The following MYO3B variants were observed in gnomAD, a reference collection of about 807,000 sequenced individuals.
The protein encoded by MYO3B is myosin IIIB.
Under a neutral mutation model 174.6 loss-of-function variants are expected in MYO3B, and 156 were observed. The ratio of observed to expected loss-of-function variants is 0.89; its 90% CI spans 0.78 to 1.02. The LOEUF (loss-of-function observed/expected upper bound fraction) is 1.02, where lower values mean the gene tolerates loss of function less well. Among genes scored for constraint, MYO3B ranks in the 50% least tolerant of loss-of-function variants. The probability of loss-of-function intolerance (pLI) is 0.00; values close to 1 mark genes in which losing one functional copy is unlikely to be tolerated. For missense variants in MYO3B, 1,632 were observed against 1,639.4 expected (o/e 1.00, Z 0.08); for synonymous variants, 563 against 569.1 (o/e 0.99, Z 0.15).
At chr2:170,392,583 C>T (rs2013102) in intron 16 of MYO3B, 88 bp downstream of exon 16, 246,170 of 835,296 alleles carry the variant, frequency 0.29, 36,513 homozygotes, top group Non-Finnish European at 0.31. Context: ...TGGGATAAGA[C>T]ACTTGCTTTC....
At chr2:170,544,059 T>G in intron 32 of MYO3B, 71 bp downstream of exon 32, 2 of 1,264,228 alleles carry the variant, frequency 1.6e-6, no homozygotes, top group Non-Finnish European at 2.3e-6. Context: ...AGTGTGTTGT[T>G]TGGGCAGGAC....
In MYO3B at chr2:170,383,732, T is replaced by A; in HGVS notation, c.1208T>A (p.Val403Glu). ...SPQFSRLYHG[V>E]KRASNPPHIF... ...CAGTTTTCCAGACTTTATCATGGGG[T>A]GAAACGCGCCTCCAATCCCCCCCAC... is the stretch of plus-strand genomic sequence containing the variant. Residue 403 changes from valine (V) to glutamate (E), a missense_variant, in exon 12 of 35, where the codon GTG becomes GAG. Transcript: ENST00000408978. 1 of 1,613,590 alleles carries A rather than the reference T, an allele frequency of 6.2e-7. No homozygotes were observed.
In MYO3B at chr2:170,653,190, G is replaced by A. The variant is rs13382220; in HGVS notation, c.*69G>A. 0.13 allele frequency: 199,249 copies of A among 1,584,884 alleles called. 18,178 individuals carry two copies. The highest frequency in any genetic ancestry group is 0.47 in the African/African-American group (35,056 of 74,226). ...ATGGTAATCGACTGTCTGTCATTGCGTAAGAAAGCACTGATATGGGGTCAG... is the reference window on the plus strand; with the variant it reads ...ATGGTAATCGACTGTCTGTCATTGCATAAGAAAGCACTGATATGGGGTCAG... On this transcript the variant is annotated 3_prime_UTR_variant, in exon 35 of 35. Transcript: ENST00000408978.
chr2:170,613,846 T>TC (rs1334685151), intron 32 of MYO3B, among the ~76,000 whole-genome samples: 5 of 152,174 alleles, frequency 3.3e-5, no homozygotes, highest in Non-Finnish European at 7.3e-5. Context: ...AACGTGGGAC[T>TC]CCAAGTTCCT....
At chr2:170,277,996 A>G (rs1208746459) in intron 7 of MYO3B, among the ~76,000 whole-genome samples, 2 of 152,206 alleles carry the variant, frequency 1.3e-5, no homozygotes, top group Non-Finnish European at 2.9e-5. Context: ...AGATAGAGAC[A>G]TTTTCAATGC....
Position 170,199,239 on chromosome 2 carries a change from C to T in MYO3B, c.34C>T (p.Pro12Ser), listed in dbSNP as rs773011706. 3 of 1,613,152 alleles carry T rather than the reference C, an allele frequency of 1.9e-6. No individual in the cohort carries two copies. Among genetic ancestry groups the T allele is most frequent in the African/African-American group, 1.3e-5 (1 of 74,998 alleles). ...KHLYGLFHYN[P>S]MMLGLESLPD... ...TCTGTATGGATTATTTCACTATAATCCTATGATGCTTGGACTTGAATCACT... is the reference window on the plus strand; with the variant it reads ...TCTGTATGGATTATTTCACTATAATTCTATGATGCTTGGACTTGAATCACT... Residue 12 changes from proline to serine, a missense_variant, in exon 2 of 35, where the codon CCT becomes TCT. Coordinates refer to ENST00000408978, the MANE Select transcript of MYO3B (RefSeq NM_138995.5).
chr2:170,497,774 G>A (rs969148038), intron 25 of MYO3B, among the ~76,000 whole-genome samples: 1 of 151,804 alleles, frequency 6.6e-6, no homozygotes, highest in Non-Finnish European at 1.5e-5. Context: ...GAACTTGGAT[G>A]GGTGAGGAAA....
intron 7 of MYO3B, among the ~76,000 whole-genome samples, chr2:170,289,747 G>A (rs1311784691): frequency 6.6e-6 from 1 of 151,532 alleles, no homozygotes; most frequent in Non-Finnish European, 1.5e-5. Flanking sequence ...CTAATTTGGG[G>A]TTTGGTTCAT....
Position 170,542,857 on chromosome 2 carries a change from A to G in MYO3B, c.3576-49A>G. 3 of 1,401,350 alleles carry G rather than the reference A, an allele frequency of 2.1e-6. No homozygotes were observed. In the South Asian group the frequency reaches 4.0e-5, roughly 19 times the overall value. 86.8% of individuals were successfully genotyped at this position (1,401,350 alleles called of 1,614,324 possible). On this transcript the variant is annotated intron_variant, in intron 30 of 34. Transcript: ENST00000408978. ...AAAACAGTCCTCTCTAAGTTTTTCT[A>G]TTATTATTTTCAAGTCTTTTAAAAT...
intron 1 of MYO3B, among the ~76,000 whole-genome samples, chr2:170,178,800 G>A (rs2092363669): frequency 6.6e-6 from 1 of 152,136 alleles, no homozygotes; most frequent in African/African-American, 2.4e-5. Flanking sequence ...CTTTGGTGGG[G>A]AAATGAAAAA....
intron 7 of MYO3B, among the ~76,000 whole-genome samples, chr2:170,291,920 G>A (rs569836660): frequency 1.3e-5 from 2 of 152,070 alleles, no homozygotes; most frequent in South Asian, 4.2e-4. Context: ...TCTTTTTTGG[G>A]TTGAATCTGT....
intron 30 of MYO3B, among the ~76,000 whole-genome samples, chr2:170,523,688 A>T (rs1299340449): frequency 1.3e-5 from 2 of 152,216 alleles, no homozygotes; most frequent in African/African-American, 2.4e-5. Context: ...CATGTCAGTC[A>T]TGCCCCCACT....
At chr2:170,230,563 A>G (rs1182817017) in intron 6 of MYO3B, among the ~76,000 whole-genome samples, 1 of 151,962 alleles carries the variant, frequency 6.6e-6, no homozygotes, top group Admixed American at 6.6e-5. Flanking sequence ...CAAATACTCC[A>G]GAAGAAAGAA....
intron 7 of MYO3B, among the ~76,000 whole-genome samples, chr2:170,332,462 C>T (rs1172977868): frequency 6.6e-6 from 1 of 152,178 alleles, no homozygotes; most frequent in African/African-American, 2.4e-5. Flanking sequence ...CATGGTTTCC[C>T]TTCACTGGTG....
intron 7 of MYO3B, 137 bp downstream of exon 7, chr2:170,236,273 G>A (rs919034849): frequency 1.5e-5 from 16 of 1,100,520 alleles, no homozygotes; most frequent in African/African-American, 3.2e-5. Flanking sequence ...CTTTGAAAAA[G>A]CAAGGGGGGC....
At chr2:170,628,957 T>C (rs931531930) in intron 32 of MYO3B, among the ~76,000 whole-genome samples, 1 of 152,104 alleles carries the variant, frequency 6.6e-6, no homozygotes, top group Non-Finnish European at 1.5e-5. Flanking sequence ...CACACTTACA[T>C]CCTATGAAAA....
In MYO3B at chr2:170,304,500, T is replaced by G. The variant is rs2093687573; in HGVS notation, c.750-30885T>G. ...TTTTTTTTGAGACAGAGTCTCGCTC[T>G]GTCACCCAGGCTGGAGTGCAGTGGC... On this transcript the variant is annotated intron_variant, in intron 7 of 34. Coordinates refer to ENST00000408978, the MANE Select transcript of MYO3B (RefSeq NM_138995.5). 4.7e-5 allele frequency among the ~76,000 whole-genome samples: 7 copies of G among 150,040 alleles called. No homozygotes were observed. In the South Asian group the frequency reaches 1.5e-3, roughly 32 times the overall value.
intron 32 of MYO3B, among the ~76,000 whole-genome samples, chr2:170,623,837 T>C (rs1037323215): frequency 1.3e-5 from 2 of 152,252 alleles, no homozygotes; most frequent in Non-Finnish European, 1.5e-5. Context: ...GGGAATCCTT[T>C]TCCCATTTCT....
chr2:170,303,460 ATTATAT>A (rs1423113425), intron 7 of MYO3B, among the ~76,000 whole-genome samples: 3 of 152,090 alleles, frequency 2.0e-5, no homozygotes, highest in African/African-American at 4.8e-5. Context: ...CATGAGACTG[ATTATAT>A]TTATAATTTT....
Sources: gnomAD v4.1 joint callset for allele counts (sites outside exome capture counted in the v4.1 genomes callset) on GRCh38, gnomAD v4.1.1 for gene constraint, MANE v1.5 for transcripts, NCBI Gene and HGNC (gene_info 2026-07-23, HGNC 2026-07-21) for gene names.